Variants in FBXL13 observed in about 807,000 individuals in gnomAD.
FBXL13 encodes the protein F-box and leucine-rich repeat protein 13.
FBXL13 carries 67 observed loss-of-function variants against 83.6 expected under a neutral mutation model. The observed-to-expected ratio is 0.80, with a 90% CI of 0.66 to 0.98. The LOEUF is 0.98. Ranked by LOEUF, FBXL13 falls within the 50% of genes least tolerant of loss-of-function variation. FBXL13 has a pLI of 0.00. For synonymous variants in FBXL13, 272 were observed against 299.5 expected, an observed-to-expected ratio of 0.91 and a Z score of 0.95; for missense variants, 822 against 866.5, an observed-to-expected ratio of 0.95 and a Z score of 0.64.
chr7:103,061,350 T>A (rs1797887150), intron 1 of FBXL13, among the ~76,000 whole-genome samples: 8 of 152,152 alleles, frequency 5.3e-5, no homozygotes, highest in Admixed American at 5.2e-4. Flanking sequence ...AGCCGTCTCA[T>A]CCCCTCTAAG....
intron 16 of FBXL13, among the ~76,000 whole-genome samples, chr7:102,873,198 G>T (rs1198539290): frequency 1.3e-5 from 2 of 152,176 alleles, no homozygotes; most frequent in African/African-American, 2.4e-5. Context: ...CTTTTGAGGT[G>T]TGAATTTCAA....
At chr7:102,966,886 T>C (rs1476329106) in intron 7 of FBXL13, among the ~76,000 whole-genome samples, 1 of 152,218 alleles carries the variant, frequency 6.6e-6, no homozygotes, top group East Asian at 1.9e-4. Context: ...CAATCAGCCC[T>C]GGCCACTCCA....
rs1810425721 is a variant in FBXL13, at chr7:102,883,748, A to G, written c.1108-63T>C. The G allele has an allele frequency of 2.9e-6, 3 of 1,021,500 alleles. No homozygotes were observed. The African/African-American group carries it at 4.9e-5, about 17-fold the overall frequency. The allele number at this position is 1,021,500 out of a possible 1,614,324, so 63.3% of individuals were successfully genotyped here. On this transcript the variant is annotated intron_variant, in intron 12 of 19. Transcript: ENST00000313221. The stretch of plus-strand genomic sequence containing the variant: ...CAGAACAGGTTTAGCAAGGTAATGA[A>G]GTCACTTTTTCCTTCAATATATTAG...
intron 6 of FBXL13, 141 bp downstream of exon 7, chr7:103,024,922 G>A (rs1266976242): frequency 7.3e-5 from 18 of 245,654 alleles, no homozygotes; most frequent in Admixed American, 2.8e-4. Context: ...GTGCAATGGT[G>A]TGATCTCGGC....
At chr7:102,847,568 C>G (rs1804228864) in intron 17 of FBXL13, among the ~76,000 whole-genome samples, 1 of 151,902 alleles carries the variant, frequency 6.6e-6, no homozygotes, top group Non-Finnish European at 1.5e-5. Flanking sequence ...TTTCTGTCGC[C>G]CAGGCTGGAG....
chr7:102,868,866 C>T (rs1808128072), intron 16 of FBXL13, among the ~76,000 whole-genome samples: 1 of 152,172 alleles, frequency 6.6e-6, no homozygotes, highest in South Asian at 2.1e-4. Context: ...CGAGGTTTCG[C>T]CATGTTGGCC....
In FBXL13 at chr7:103,055,078, T is replaced by A. The variant is rs753485613; in HGVS notation, c.-1+566A>T. The A allele has an allele frequency of 6.4e-6, 8 of 1,255,560 alleles. No homozygotes were observed. Among genetic ancestry groups the A allele is most frequent in the Non-Finnish European group, 7.3e-6 (7 of 961,232 alleles). 77.8% of individuals were successfully genotyped at this position (1,255,560 alleles called of 1,614,324 possible). ...TATATATTTGCGTATTCTTGATTAC[T>A]AATAATTACCAGCTGATCATCCAAT... On this transcript the variant is annotated intron_variant, in intron 2 of 19. Transcript: ENST00000313221.
intron 11 of FBXL13, among the ~76,000 whole-genome samples, chr7:102,893,473 C>T (rs1811786777): frequency 6.6e-6 from 1 of 152,132 alleles, no homozygotes; most frequent in African/African-American, 2.4e-5. Flanking sequence ...CTCCTAACTT[C>T]AAGAAAGGAG....
At chr7:102,962,784 A>C (rs1344900903) in intron 8 of FBXL13, among the ~76,000 whole-genome samples, 1 of 147,000 alleles carries the variant, frequency 6.8e-6, no homozygotes, top group Non-Finnish European at 1.5e-5. Context: ...CTGAACAATG[A>C]GATCACATGG....
chr7:102,884,319 T>A lies in FBXL13; in HGVS notation c.1009-7A>T, dbSNP rs1287003492. On this transcript the variant is annotated splice_region_variant and splice_polypyrimidine_tract_variant and intron_variant, in intron 11 of 19. Transcript: ENST00000313221. ...TGAAGCCTTGGACTGAAATCTGAATTGTACAGAGTAGAAAATAATGGGAGA... is the reference window on the plus strand; with the variant it reads ...TGAAGCCTTGGACTGAAATCTGAATAGTACAGAGTAGAAAATAATGGGAGA... 1.2e-6 allele frequency: 2 copies of A among 1,607,138 alleles called. No individual in the cohort carries two copies. Among genetic ancestry groups the A allele is most frequent in the Non-Finnish European group, 1.7e-6 (2 of 1,173,980 alleles).
intron 1 of FBXL13, among the ~76,000 whole-genome samples, chr7:103,061,933 G>C (rs1797948870): frequency 9.7e-6 from 1 of 103,070 alleles, no homozygotes; most frequent in Non-Finnish European, 1.8e-5. Context: ...GCAAGACTGC[G>C]TCTCAAAAAA....
chr7:102,963,424 A>G (rs1825592723), intron 8 of FBXL13, 109 bp downstream of exon 9: 3 of 1,313,192 alleles, frequency 2.3e-6, no homozygotes, highest in East Asian at 2.4e-5. Flanking sequence ...TGGTATCCTT[A>G]TGACCTAAAA....
chr7:103,066,161 T>C (rs1289260810), intron 1 of FBXL13, among the ~76,000 whole-genome samples: 2 of 152,222 alleles, frequency 1.3e-5, no homozygotes, highest in African/African-American at 4.8e-5. Context: ...ATCAGCTGTC[T>C]AGTTTTATGG....
intron 1 of FBXL13, among the ~76,000 whole-genome samples, chr7:103,060,061 T>C (rs1365503061): frequency 9.2e-5 from 11 of 119,136 alleles, no homozygotes; most frequent in East Asian, 8.9e-4. Context: ...TATATATATA[T>C]ATACTTTTTT....
downstream of FBXL13, among the ~76,000 whole-genome samples, chr7:102,812,317 C>G (rs1195516173): frequency 6.6e-6 from 1 of 152,186 alleles, no homozygotes; most frequent in Non-Finnish European, 1.5e-5. Flanking sequence ...CCCATACTTC[C>G]TAGCATAAAA....
chr7:102,826,724 CATATATATATAT>C (rs58307950), intron 18 of FBXL13, among the ~76,000 whole-genome samples: 8,208 of 62,746 alleles, frequency 0.13, 969 homozygotes, highest in East Asian at 0.3. Context: ...GACCCTGTCT[CATATATATATAT>C]ATATATATAT....
intron 2 of FBXL13, among the ~76,000 whole-genome samples, chr7:103,035,949 G>A (rs1251497514): frequency 1.3e-5 from 2 of 152,160 alleles, no homozygotes; most frequent in African/African-American, 4.8e-5. Flanking sequence ...GCCACAGACT[G>A]GTACAGGTCC....
chr7:102,837,155 C>G (rs1802130003), intron 17 of FBXL13, among the ~76,000 whole-genome samples: 1 of 152,226 alleles, frequency 6.6e-6, no homozygotes, highest in African/African-American at 2.4e-5. Flanking sequence ...CTACACTCCA[C>G]CAACAATGGC....
chr7:102,918,949 G>A (rs1275317633), intron 10 of FBXL13, among the ~76,000 whole-genome samples: 1 of 152,012 alleles, frequency 6.6e-6, no homozygotes, highest in Non-Finnish European at 1.5e-5. Context: ...AGTACAGAAT[G>A]CCTAAAGAAA....
Sources: gnomAD v4.1 joint callset for allele counts (sites outside exome capture counted in the v4.1 genomes callset) on GRCh38, gnomAD v4.1.1 for gene constraint, MANE v1.5 for transcripts, NCBI Gene and HGNC (gene_info 2026-07-23, HGNC 2026-07-21) for gene names.